OSBPL10: variants seen among roughly 807,000 people sequenced by gnomAD.
The protein encoded by OSBPL10 is oxysterol binding protein like 10.
Under a neutral mutation model 81.7 loss-of-function variants are expected in OSBPL10, and 49 were observed. The ratio of observed to expected loss-of-function variants is 0.60; its 90% CI spans 0.48 to 0.76. The LOEUF (loss-of-function observed/expected upper bound fraction) is 0.76, where lower values mean the gene tolerates loss of function less well. Among genes scored for constraint, OSBPL10 ranks in the 30% least tolerant of loss-of-function variants. OSBPL10 has a pLI of 0.00. For synonymous variants in OSBPL10, 419 were observed against 383.6 expected, an observed-to-expected ratio of 1.09 and a Z score of -1.08; for missense variants, 923 against 987.8, an observed-to-expected ratio of 0.93 and a Z score of 0.88.
chr3:31,706,665 G>A (rs1365932236), intron 6 of OSBPL10, among the ~76,000 whole-genome samples: 3 of 152,156 alleles, frequency 2.0e-5, no homozygotes, highest in African/African-American at 7.2e-5. Context: ...CAATGTGGGA[G>A]AAACATTTAG....
intron 2 of OSBPL10, among the ~76,000 whole-genome samples, chr3:32,011,205 T>G (rs1699253004): frequency 1.3e-5 from 2 of 152,206 alleles, no homozygotes. Context: ...AGGGGCAGAC[T>G]GACACCTCAC....
In OSBPL10 at chr3:31,886,887, C is replaced by T. The variant is rs578149228; in HGVS notation, c.282-7057G>A. Among the ~76,000 whole-genome samples the T allele has an allele frequency of 3.3e-5, 5 of 151,874 alleles. 1 individual carries two copies. Among genetic ancestry groups the T allele is most frequent in the East Asian group, 3.9e-4 (2 of 5,150 alleles). Reference sequence around the variant, plus strand: ...CCCAGGAGGCAGGGCTGCAGTGAGCCGAGGTCATGCCACTGCACTCCAGCC... The same window carrying T: ...CCCAGGAGGCAGGGCTGCAGTGAGCTGAGGTCATGCCACTGCACTCCAGCC... On this transcript the variant is annotated intron_variant, in intron 1 of 11. Coordinates refer to ENST00000396556, the MANE Select transcript of OSBPL10 (RefSeq NM_017784.5).
chr3:31,686,453 T>TA (rs1268216973), intron 7 of OSBPL10, among the ~76,000 whole-genome samples: 1 of 152,062 alleles, frequency 6.6e-6, no homozygotes, highest in Non-Finnish European at 1.5e-5. Flanking sequence ...CTGTCCTAAA[T>TA]AAAAAAGCAG....
At chr3:31,867,200 G>A (rs560331176) in intron 3 of OSBPL10, among the ~76,000 whole-genome samples, 36 of 152,278 alleles carry the variant, frequency 2.4e-4, no homozygotes, top group African/African-American at 7.7e-4. Flanking sequence ...TGGAGGAGAT[G>A]GGAAACCAGG....
chr3:31,860,857 GTTTTTTTTTTTGGGT>G (rs1398576169), intron 3 of OSBPL10, among the ~76,000 whole-genome samples: 17 of 108,266 alleles, frequency 1.6e-4, no homozygotes, highest in African/African-American at 5.4e-4. Flanking sequence ...GTTTTTTGGG[GTTTTTTTTTTTGGGT>G]TTTTTTTTTT....
chr3:31,856,114 ACACG>A (rs1290113053), intron 3 of OSBPL10, among the ~76,000 whole-genome samples: 1 of 136,508 alleles, frequency 7.3e-6, no homozygotes, highest in African/African-American at 2.7e-5. Context: ...ACACACACAC[ACACG>A]TTTTAATCTA....
In OSBPL10 at chr3:31,687,893, A is replaced by AAATAAT. The variant is rs34327662; in HGVS notation, c.1246-3785_1246-3780dup. Among the ~76,000 whole-genome samples, 436 of 143,858 alleles carry AAATAAT rather than the reference A, an allele frequency of 3.0e-3. 3 individuals are homozygous for AAATAAT. Among genetic ancestry groups the AAATAAT allele is most frequent in the African/African-American group, 5.0e-3 (196 of 38,968 alleles). The allele number at this position is 143,858 out of a possible 152,430, so 94.4% of individuals were successfully genotyped here. ...CAACATAGTGAGAACCCATCACTAC[A>AAATAAT]AATAATAATAATAATAATAATAATA... On this transcript the variant is annotated intron_variant, in intron 7 of 11. Transcript: ENST00000396556.
chr3:31,780,239 G>C (rs1698656755), intron 4 of OSBPL10, among the ~76,000 whole-genome samples: 2 of 152,136 alleles, frequency 1.3e-5, no homozygotes, highest in African/African-American at 4.8e-5. Context: ...CTTGCAGTGA[G>C]CCGAGATCAC....
In OSBPL10 at chr3:31,729,372, C is replaced by T. The variant is rs141005500; in HGVS notation, c.1095+3885G>A. Among the ~76,000 whole-genome samples, 128 of 152,134 alleles carry T rather than the reference C, an allele frequency of 8.4e-4. 1 individual carries two copies. The highest frequency in any genetic ancestry group is 1.6e-3 in the Admixed American group (24 of 15,274). The stretch of plus-strand genomic sequence containing the variant: ...AGGAATTTGATATGGGAATTAGGTG[C>T]CTGTAGAATTATTAAAAAGGCTGGA... On this transcript the variant is annotated intron_variant, in intron 6 of 11. Coordinates refer to ENST00000396556, the MANE Select transcript of OSBPL10 (RefSeq NM_017784.5).
At chr3:31,992,133 G>A (rs1057480735) in intron 2 of OSBPL10, among the ~76,000 whole-genome samples, 10 of 142,470 alleles carry the variant, frequency 7.0e-5, no homozygotes, top group East Asian at 2.1e-4. Flanking sequence ...GCAACAGAGC[G>A]AGACTCCATC....
At chr3:31,698,583 C>A (rs1209233400) in intron 7 of OSBPL10, among the ~76,000 whole-genome samples, 1 of 152,202 alleles carries the variant, frequency 6.6e-6, no homozygotes, top group African/African-American at 2.4e-5. Flanking sequence ...GGCCCTATAA[C>A]CTGCTGTCTC....
rs186472832 is a variant in OSBPL10 at position 31,664,243 on chromosome 3, G to A, written c.2097-11C>T. On this transcript the variant is annotated splice_polypyrimidine_tract_variant and intron_variant, in intron 10 of 11. Coordinates refer to ENST00000396556, the MANE Select transcript of OSBPL10 (RefSeq NM_017784.5). ...TCCCGCCAGAGGTTCCTGGGGATGC[G>A]TGGAGGAGAGGAAACAATCAGCCAG... is the stretch of plus-strand genomic sequence containing the variant. 63 of 1,611,190 alleles carry A rather than the reference G, an allele frequency of 3.9e-5. No homozygotes were observed. The highest frequency in any genetic ancestry group is 1.9e-4 in the African/African-American group (14 of 74,942).
intron 6 of OSBPL10, among the ~76,000 whole-genome samples, chr3:31,722,609 T>C (rs937009484): frequency 3.3e-5 from 5 of 152,140 alleles, no homozygotes; most frequent in African/African-American, 4.8e-5. Flanking sequence ...CAATCTACTA[T>C]AAGAAAAGTT....
intron 5 of OSBPL10, among the ~76,000 whole-genome samples, chr3:31,739,073 GA>G (rs1232814991): frequency 6.6e-6 from 1 of 152,088 alleles, no homozygotes; most frequent in African/African-American, 2.4e-5. Flanking sequence ...TTTTCTAAGA[GA>G]CAGGATGCCA....
intron 3 of OSBPL10, among the ~76,000 whole-genome samples, chr3:31,873,551 A>G (rs180681285): frequency 1.0e-3 from 155 of 152,314 alleles, no homozygotes; most frequent in Non-Finnish European, 1.8e-3. Flanking sequence ...CATTTTACCT[A>G]ATATTTGTTC....
chr3:31,870,704 G>A (rs145618227), intron 3 of OSBPL10, among the ~76,000 whole-genome samples: 5,949 of 152,204 alleles, frequency 0.039, 361 homozygotes, highest in African/African-American at 0.13. Flanking sequence ...CTACCTCAGG[G>A]TTTGTGAGTG....
At chr3:31,696,447 C>T (rs1368446590) in intron 7 of OSBPL10, among the ~76,000 whole-genome samples, 1 of 152,226 alleles carries the variant, frequency 6.6e-6, no homozygotes, top group Non-Finnish European at 1.5e-5. Context: ...ACATTTTTTC[C>T]CATTCTCCCT....
At chr3:32,069,182 T>C (rs1044502852) in intron 1 of OSBPL10, among the ~76,000 whole-genome samples, 1 of 152,124 alleles carries the variant, frequency 6.6e-6, no homozygotes, top group African/African-American at 2.4e-5. Context: ...ATACAGGAAT[T>C]CCGATATCTA....
intron 1 of OSBPL10, among the ~76,000 whole-genome samples, chr3:32,075,464 CCTT>C (rs764183073): frequency 6.6e-6 from 1 of 152,110 alleles, no homozygotes; most frequent in African/African-American, 2.4e-5. Flanking sequence ...CTTTTTATCT[CCTT>C]CTTTTATTCA....
Sources: allele counts gnomAD v4.1 joint callset (sites outside exome capture counted in the v4.1 genomes callset), GRCh38; gene constraint gnomAD v4.1.1; transcripts MANE v1.5; gene names NCBI Gene and HGNC (gene_info 2026-07-23, HGNC 2026-07-21).